Variants in RYR2 observed in about 807,000 individuals in gnomAD.
RYR2 encodes the protein cardiac muscle ryanodine receptor-calcium release channel.
In RYR2, 227 loss-of-function variants were observed where a neutral mutation model predicts 601.1. That is an observed-to-expected ratio of 0.38 (90% CI 0.34 to 0.42). The LOEUF is 0.42. RYR2 is among the 10% of genes least tolerant of loss of function. RYR2 has a pLI of 1.00. For synonymous variants in RYR2, 2,223 were observed against 2,175.1 expected (o/e 1.02, Z -0.61); for missense variants, 4,646 against 6,156.5 (o/e 0.75, Z 8.21).
chr1:237,739,069 G>C (rs1489107972), intron 79 of RYR2, among the ~76,000 whole-genome samples: 1 of 152,154 alleles, frequency 6.6e-6, no homozygotes, highest in African/African-American at 2.4e-5. Flanking sequence ...GTACTTTTCT[G>C]TATTACAAAC....
At chr1:237,773,401 T>C in intron 86 of RYR2, 119 bp from the exon 87 acceptor site, 1 of 607,746 alleles carries the variant, frequency 1.6e-6, no homozygotes, top group Non-Finnish European at 2.9e-6. Flanking sequence ...ACAGATATTT[T>C]TGTTTGCTAC....
At chr1:237,071,518 C>T (rs1664316414) in intron 1 of RYR2, among the ~76,000 whole-genome samples, 1 of 152,140 alleles carries the variant, frequency 6.6e-6, no homozygotes, top group Admixed American at 6.5e-5. Flanking sequence ...GCCACCCTGC[C>T]CGGCCGAGTC....
chr1:237,181,677 T>A (rs2148955253), intron 1 of RYR2, among the ~76,000 whole-genome samples: 1 of 152,322 alleles, frequency 6.6e-6, no homozygotes. Context: ...CTCCACATCC[T>A]GTGAAAATCA....
chr1:237,710,930 C>T (rs1385364896), intron 70 of RYR2, among the ~76,000 whole-genome samples: 1 of 152,020 alleles, frequency 6.6e-6, no homozygotes, highest in Non-Finnish European at 1.5e-5. Flanking sequence ...TGCTTTTTGC[C>T]TGTTGTTTTC....
chr1:237,065,747 T>C (rs1663524363), intron 1 of RYR2, among the ~76,000 whole-genome samples: 1 of 152,154 alleles, frequency 6.6e-6, no homozygotes, highest in African/African-American at 2.4e-5. Flanking sequence ...ACTGGGTAAT[T>C]TGTAAAGAAA....
chr1:237,127,600 CG>C (rs1275809159), intron 1 of RYR2, among the ~76,000 whole-genome samples: 3 of 151,516 alleles, frequency 2.0e-5, no homozygotes, highest in Non-Finnish European at 4.4e-5. Flanking sequence ...GGGTGGCTGC[CG>C]GGCGGAGACG....
At chr1:237,222,464 A>G (rs1427692002) in intron 1 of RYR2, among the ~76,000 whole-genome samples, 1 of 151,734 alleles carries the variant, frequency 6.6e-6, no homozygotes, top group African/African-American at 2.4e-5. Context: ...TGCATATTAA[A>G]TGGGTTAGAG....
chr1:237,636,905 A>G (rs561519646), intron 44 of RYR2, among the ~76,000 whole-genome samples: 38 of 152,332 alleles, frequency 2.5e-4, no homozygotes, highest in African/African-American at 9.1e-4. Flanking sequence ...GAATCCCAAA[A>G]TCATATGCTG....
chr1:237,457,828 C>T (rs780813939), intron 16 of RYR2, among the ~76,000 whole-genome samples: 3 of 152,190 alleles, frequency 2.0e-5, no homozygotes, highest in Non-Finnish European at 4.4e-5. Context: ...CCCTAACCCT[C>T]GCCTCCAAAA....
chr1:237,614,781 G>C lies in RYR2; in HGVS notation c.5653G>C (p.Gly1885Arg), dbSNP rs200197527. 3.7e-6 allele frequency: 6 copies of C among 1,610,042 alleles called. No individual in the cohort carries two copies. The highest frequency in any genetic ancestry group is 1.7e-4 in the Middle Eastern group (1 of 6,028). The change falls in exon 37 of 105, where the codon GGG (glycine) becomes CGG (arginine). Residue 1885 changes from glycine (G) to arginine (R), a missense_variant. Gly to Arg is a moderately radical substitution (Grantham distance 125). Transcript: ENST00000366574. The surrounding 1 kb of genome is among the most constrained non-coding windows in gnomAD (Gnocchi z 4.3). The stretch of plus-strand genomic sequence containing the variant: ...AGGAGCTGGTGAGGAAGAAGCCAAG[G>C]GGGGCAAGCGGCCCAAGGAAGGCCT... ...LQGAGEEEAK[G>R]GKRPKEGLLQ...
At chr1:237,809,139 C>A in intron 100 of RYR2, 104 bp downstream of exon 100, 2 of 1,085,752 alleles carry the variant, frequency 1.8e-6, no homozygotes, top group Non-Finnish European at 2.7e-6. Context: ...AGAAAATAGT[C>A]TAAACAAATA....
intron 67 of RYR2, 137 bp from the exon 68 acceptor site, chr1:237,706,812 G>A: frequency 1.4e-6 from 1 of 691,750 alleles, no homozygotes; most frequent in Non-Finnish European, 2.5e-6. Flanking sequence ...TTGAAACACA[G>A]GAGAAGGAGC....
At chr1:237,462,205 T>A (rs1454381020) in intron 16 of RYR2, among the ~76,000 whole-genome samples, 2 of 152,180 alleles carry the variant, frequency 1.3e-5, no homozygotes, top group African/African-American at 4.8e-5. Context: ...GACCATAGAT[T>A]CTCTCCTGGG....
intron 64 of RYR2, 34 bp from the exon 65 acceptor site, chr1:237,700,195 G>T: frequency 8.4e-7 from 1 of 1,196,440 alleles, no homozygotes; most frequent in Non-Finnish European, 1.2e-6. Flanking sequence ...TGTTCCTGTT[G>T]GAAGATACGA....
chr1:237,611,498 T>C (rs1001780916), intron 36 of RYR2, among the ~76,000 whole-genome samples: 1 of 152,152 alleles, frequency 6.6e-6, no homozygotes, highest in Non-Finnish European at 1.5e-5. Context: ...TAGGCAGTAA[T>C]AATAGTAACA....
chr1:237,683,180 G>T (rs760628894), intron 62 of RYR2, among the ~76,000 whole-genome samples: 1 of 152,162 alleles, frequency 6.6e-6, no homozygotes, highest in Non-Finnish European at 1.5e-5. Context: ...GTCTTCATTC[G>T]CATGATAAAC....
intron 1 of RYR2, among the ~76,000 whole-genome samples, chr1:237,256,400 A>T (rs1331577651): frequency 6.6e-6 from 1 of 152,162 alleles, no homozygotes; most frequent in East Asian, 1.9e-4. Flanking sequence ...GTGAGAACAG[A>T]CTAATACACC....
Position 237,610,659 on chromosome 1 carries a change from T to A in RYR2, c.4684-103T>A. On this transcript the variant is annotated intron_variant, in intron 35 of 104. Coordinates refer to ENST00000366574, the MANE Select transcript of RYR2 (RefSeq NM_001035.3). This position sits in a 1 kb window ranked among gnomAD's most constrained non-coding sequence, Gnocchi z 4.9. ...TGACTTTGCTTGACTCATAGGGTTA[T>A]CTTACTTTCCCTGTCTCTGTCCTGT... 5.3e-6 allele frequency: 5 copies of A among 950,026 alleles called. No homozygotes were observed. The highest frequency in any genetic ancestry group is 7.8e-6 in the Non-Finnish European group (5 of 637,572). The allele number at this position is 950,026 out of a possible 1,614,324, so 58.8% of individuals were successfully genotyped here. A position where few individuals can be genotyped will look rare whatever the true frequency, so the allele number is the denominator to read the frequency against.
rs575521288 is a variant in RYR2, at chr1:237,119,184, AC to A, written c.48+76617del. Among the ~76,000 whole-genome samples, 377 of 152,266 alleles carry A rather than the reference AC, an allele frequency of 2.5e-3. 3 individuals are homozygous for A. Among genetic ancestry groups the A allele is most frequent in the African/African-American group, 8.6e-3 (359 of 41,564 alleles). ...TGTCCTTAGAAGATGAGGAAGAGAC[AC>A]CGGGAGGGTGTGTGCACAGAGGCAA... On this transcript the variant is annotated intron_variant, in intron 1 of 104. Transcript: ENST00000366574.
Sources: gnomAD v4.1 joint callset for allele counts (sites outside exome capture counted in the v4.1 genomes callset) on GRCh38, gnomAD v4.1.1 for gene constraint, Gnocchi (gnomAD v3.1) non-coding constraint, MANE v1.5 for transcripts, NCBI Gene and HGNC (gene_info 2026-07-23, HGNC 2026-07-21) for gene names.